The following BNC2 variants were observed in gnomAD, a reference collection of about 807,000 sequenced individuals.
BNC2 encodes the protein basonuclin zinc finger protein 2, also known as zinc finger protein basonuclin-2.
A neutral mutation model predicts 76.3 loss-of-function variants in BNC2; 20 were observed. The ratio of observed to expected loss-of-function variants is 0.26; its 90% CI spans 0.18 to 0.38. The LOEUF (loss-of-function observed/expected upper bound fraction) is 0.38. Ranked by LOEUF, BNC2 falls within the 10% of genes least tolerant of loss-of-function variation. BNC2 has a pLI of 1.00. For missense variants in BNC2, 1,382 were observed against 1,399.8 expected (o/e 0.99, Z 0.20); for synonymous variants, 582 against 514.8 (o/e 1.13, Z -1.77).
At chr9:16,850,318 C>G (rs1446341068) in intron 1 of BNC2, among the ~76,000 whole-genome samples, 1 of 152,146 alleles carries the variant, frequency 6.6e-6, no homozygotes, top group Non-Finnish European at 1.5e-5. Context: ...TATAAGCATG[C>G]ATGTATGGTA....
At chr9:16,867,658 C>T (rs1586948096) in intron 1 of BNC2, 1 of 152,008 alleles carries the variant, frequency 6.6e-6, no homozygotes, top group South Asian at 2.1e-4. Flanking sequence ...AAGAAATATT[C>T]CCAGGAACAA....
chr9:16,490,455 A>C (rs756632740), intron 5 of BNC2, among the ~76,000 whole-genome samples: 1 of 152,146 alleles, frequency 6.6e-6, no homozygotes, highest in Non-Finnish European at 1.5e-5. Context: ...GTTGAGATTT[A>C]GGTGGGGACA....
chr9:16,829,555 C>T (rs998072292), intron 1 of BNC2, among the ~76,000 whole-genome samples: 2 of 152,210 alleles, frequency 1.3e-5, no homozygotes, highest in Middle Eastern at 3.4e-3. Flanking sequence ...CTAGAAAACA[C>T]GATATAGGCC....
chr9:16,778,687 G>A lies in BNC2; in HGVS notation c.4-40202C>T, dbSNP rs188299490. Reference sequence around the variant, plus strand: ...CCTAGTTTACCAGACTTCCAAGCCTGAGCTCTTTCCACTGCACAAGGCTTC... The same window carrying A: ...CCTAGTTTACCAGACTTCCAAGCCTAAGCTCTTTCCACTGCACAAGGCTTC... On this transcript the variant is annotated intron_variant, in intron 1 of 6. Transcript: ENST00000380672. Among the ~76,000 whole-genome samples, 425 of 152,324 alleles carry A rather than the reference G, an allele frequency of 2.8e-3. 1 individual carries two copies. Among genetic ancestry groups the A allele is most frequent in the Non-Finnish European group, 4.2e-3 (284 of 68,030 alleles).
chr9:16,429,678 G>A (rs1250452614), intron 6 of BNC2: 1 of 288,870 alleles, frequency 3.5e-6, no homozygotes, highest in Non-Finnish European at 7.0e-6. Flanking sequence ...TGCAACAGAG[G>A]TTATAATGCC....
intron 3 of BNC2, among the ~76,000 whole-genome samples, chr9:16,698,980 T>A (rs750007313): frequency 1.2e-4 from 18 of 152,338 alleles, no homozygotes; most frequent in Non-Finnish European, 2.2e-4. Context: ...TTAAAAGTTT[T>A]AAAACTATTA....
At chr9:16,456,823 T>C (rs1234896678) in intron 5 of BNC2, among the ~76,000 whole-genome samples, 2 of 151,962 alleles carry the variant, frequency 1.3e-5, no homozygotes, top group East Asian at 1.9e-4. Flanking sequence ...TGGTGGAATA[T>C]TGTAAAAAAC....
chr9:16,653,761 T>C (rs1039824870), intron 3 of BNC2, among the ~76,000 whole-genome samples: 2 of 152,146 alleles, frequency 1.3e-5, no homozygotes, highest in African/African-American at 4.8e-5. Flanking sequence ...TCTGTCTCTG[T>C]ACAAAGAAAA....
chr9:16,634,318 C>T (rs1821252339), intron 3 of BNC2, among the ~76,000 whole-genome samples: 1 of 152,066 alleles, frequency 6.6e-6, no homozygotes. Flanking sequence ...TTAAAACATT[C>T]TGATTTGAAA....
intron 5 of BNC2, among the ~76,000 whole-genome samples, chr9:16,492,720 C>T (rs1197743745): frequency 1.4e-5 from 2 of 138,688 alleles, no homozygotes; most frequent in Non-Finnish European, 3.2e-5. Flanking sequence ...AAGGCCTGCC[C>T]ATTTTTTTTT....
chr9:16,639,891 T>C (rs1180116223), intron 3 of BNC2, among the ~76,000 whole-genome samples: 1 of 151,942 alleles, frequency 6.6e-6, no homozygotes, highest in East Asian at 1.9e-4. Flanking sequence ...CACTACATTC[T>C]AGCCTGGGCA....
chr9:16,656,076 T>C (rs879856698), intron 3 of BNC2, among the ~76,000 whole-genome samples: 1 of 152,138 alleles, frequency 6.6e-6, no homozygotes, highest in African/African-American at 2.4e-5. Flanking sequence ...CAACTGAGTG[T>C]GGAGGACAGT....
intron 5 of BNC2, among the ~76,000 whole-genome samples, chr9:16,529,108 A>G (rs986344045): frequency 1.3e-4 from 20 of 152,140 alleles, no homozygotes; most frequent in African/African-American, 4.6e-4. Context: ...AATATCTTAC[A>G]CGGATACACA....
Position 16,435,964 on chromosome 9 carries a change from T to C in BNC2, c.2230A>G (p.Ile744Val). 6.2e-7 allele frequency: 1 copy of C among 1,614,218 alleles called. No homozygotes were observed. Among genetic ancestry groups the C allele is most frequent in the Non-Finnish European group, 8.5e-7 (1 of 1,180,036 alleles). ...ACTTTTTCACTCACTTCGCTGTGAA[T>C]GTGCTCATCCCCTTCCATGGATTCC... is the stretch of plus-strand genomic sequence containing the variant. ...GEESMEGDEH[I>V]HSEVSEKVLM... The change falls in exon 6 of 7, where the codon ATT (isoleucine) becomes GTT (valine). Residue 744 changes from isoleucine to valine, a missense_variant. This residue lies in a region of BNC2 where 798 missense variants were observed against 775.5 expected (regional missense o/e 1.03). Transcript: ENST00000380672.
At chr9:16,584,715 A>T (rs935473160) in intron 3 of BNC2, among the ~76,000 whole-genome samples, 2 of 152,194 alleles carry the variant, frequency 1.3e-5, no homozygotes, top group African/African-American at 4.8e-5. Context: ...AAATTTCAAT[A>T]ATTTGTTAAC....
At chr9:16,777,628 G>C (rs1420077456) in intron 1 of BNC2, among the ~76,000 whole-genome samples, 1 of 151,472 alleles carries the variant, frequency 6.6e-6, no homozygotes, top group East Asian at 1.9e-4. Flanking sequence ...GTGAACCCGG[G>C]AGGCGGAGCT....
chr9:16,463,445 C>G (rs1411517235), intron 5 of BNC2, among the ~76,000 whole-genome samples: 1 of 146,804 alleles, frequency 6.8e-6, no homozygotes, highest in Non-Finnish European at 1.5e-5. Flanking sequence ...TACAGGCGCC[C>G]GCCACTACGC....
At chr9:16,598,855 T>A (rs991293436) in intron 3 of BNC2, among the ~76,000 whole-genome samples, 4 of 152,212 alleles carry the variant, frequency 2.6e-5, no homozygotes, top group African/African-American at 9.6e-5. Context: ...GGAAATTAAA[T>A]GAGATGCTTT....
At chr9:16,706,031 T>A (rs2134652619) in intron 3 of BNC2, among the ~76,000 whole-genome samples, 1 of 152,362 alleles carries the variant, frequency 6.6e-6, no homozygotes, top group Non-Finnish European at 1.5e-5. Context: ...GACAAGCAAC[T>A]ATTTTAAAAA....
Sources: gnomAD v4.1 joint callset for allele counts (sites outside exome capture counted in the v4.1 genomes callset) on GRCh38, gnomAD v4.1.1 for gene constraint, gnomAD v4.1.1 regional missense constraint, MANE v1.5 for transcripts, NCBI Gene and HGNC (gene_info 2026-07-23, HGNC 2026-07-21) for gene names.